RNF111: variants seen among roughly 807,000 people sequenced by gnomAD.
RNF111 encodes the protein ring finger protein 111, also known as E3 ubiquitin-protein ligase Arkadia.
In RNF111, 17 loss-of-function variants were observed where a neutral mutation model predicts 95.1. The ratio of observed to expected loss-of-function variants is 0.18; its 90% CI spans 0.12 to 0.27. The LOEUF is 0.27. Ranked by LOEUF, RNF111 falls within the 10% of genes least tolerant of loss-of-function variation. The pLI, the probability that RNF111 is intolerant of heterozygous loss-of-function variation, is 1.00. For missense variants in RNF111, 1,189 were observed against 1,210.4 expected (o/e 0.98, Z 0.26); for synonymous variants, 440 against 414.8 (o/e 1.06, Z -0.74).
intron 1 of RNF111, among the ~76,000 whole-genome samples, chr15:59,026,462 G>A (rs1763385539): frequency 6.6e-6 from 1 of 152,094 alleles, no homozygotes; most frequent in Admixed American, 6.5e-5. Flanking sequence ...TTGAAACAGT[G>A]TGTAACAGCA....
At chr15:59,063,635 A>C (rs1300621876) in intron 5 of RNF111, among the ~76,000 whole-genome samples, 1 of 152,184 alleles carries the variant, frequency 6.6e-6, no homozygotes. Flanking sequence ...ATGAGAGGCT[A>C]ATTGGTTGTC....
At chr15:59,010,791 T>C (rs1596068975) in intron 1 of RNF111, among the ~76,000 whole-genome samples, 1 of 152,166 alleles carries the variant, frequency 6.6e-6, no homozygotes, top group East Asian at 1.9e-4. Flanking sequence ...GGTTGCCTGA[T>C]GAGAGATGTA....
intron 10 of RNF111, among the ~76,000 whole-genome samples, chr15:59,089,029 G>T (rs1442320368): frequency 6.6e-6 from 1 of 152,102 alleles, no homozygotes; most frequent in Non-Finnish European, 1.5e-5. Flanking sequence ...CTCAAATACG[G>T]CAGAGCCCTG....
rs1314687928 is a variant in RNF111, at chr15:59,031,112, G to T, written c.290G>T (p.Ser97Ile). 1.9e-6 allele frequency: 3 copies of T among 1,614,082 alleles called. No homozygotes were observed. Among genetic ancestry groups the T allele is most frequent in the Admixed American group, 3.3e-5 (2 of 60,002 alleles). ...KSLVVRKKRKSQQAGPSYVQN... is the reference protein window; with the variant it reads ...KSLVVRKKRKIQQAGPSYVQN... ...CTCGTTGTGAGGAAAAAACGCAAAA[G>T]CCAGCAGGCTGGCCCTTCGTATGTG... The change falls in exon 2 of 14, where the codon AGC becomes ATC. Residue 97 changes from serine (S) to isoleucine (I), a missense_variant. Physicochemically the swap from Ser to Ile is moderately radical, Grantham distance 142. Transcript: ENST00000348370.
At chr15:59,052,692 C>T (rs1311629870) in intron 3 of RNF111, among the ~76,000 whole-genome samples, 8 of 149,700 alleles carry the variant, frequency 5.3e-5, no homozygotes, top group African/African-American at 2.0e-4. Flanking sequence ...GGACTGTAGG[C>T]ACATGTCACT....
At chr15:59,072,095 A>C (rs1285079804) in intron 6 of RNF111, among the ~76,000 whole-genome samples, 1 of 152,206 alleles carries the variant, frequency 6.6e-6, no homozygotes, top group Non-Finnish European at 1.5e-5. Context: ...CATTTTTTAA[A>C]AATGCCAGCA....
intron 1 of RNF111, among the ~76,000 whole-genome samples, chr15:59,002,348 CT>C (rs1462415105): frequency 1.3e-5 from 2 of 152,130 alleles, no homozygotes; most frequent in Non-Finnish European, 2.9e-5. Context: ...ATAGCTGTCC[CT>C]TCCGTTTTCC....
intron 2 of RNF111, among the ~76,000 whole-genome samples, chr15:59,040,194 C>T (rs2041381934): frequency 6.6e-6 from 1 of 152,078 alleles, no homozygotes; most frequent in Non-Finnish European, 1.5e-5. Context: ...TAGCTCTTTG[C>T]AGACTTGACC....
At chr15:59,047,151 C>T (rs1474870245) in intron 2 of RNF111, among the ~76,000 whole-genome samples, 1 of 152,002 alleles carries the variant, frequency 6.6e-6, no homozygotes, top group African/African-American at 2.4e-5. Context: ...ACAATGAGAC[C>T]AAAAGCTCAG....
At chr15:59,092,054 AT>A (rs1217676295) in intron 12 of RNF111, among the ~76,000 whole-genome samples, 2 of 152,250 alleles carry the variant, frequency 1.3e-5, no homozygotes, top group Non-Finnish European at 2.9e-5. Flanking sequence ...AAGAATAATC[AT>A]AAAGTGTGAA....
intron 2 of RNF111, among the ~76,000 whole-genome samples, chr15:59,048,653 A>G (rs2041825845): frequency 6.6e-6 from 1 of 152,334 alleles, no homozygotes; most frequent in Non-Finnish European, 1.5e-5. Flanking sequence ...GTTGGGTGAC[A>G]TTTGTATTGA....
rs1042136813 is a variant in RNF111 at position 59,040,006 on chromosome 15, C to T, written c.880+8304C>T. On this transcript the variant is annotated intron_variant, in intron 2 of 13. Coordinates refer to ENST00000348370, the MANE Select transcript of RNF111 (RefSeq NM_017610.8). Reference sequence around the variant, plus strand: ...CTGGGATTACAGGTGTGAGCCACTGCGCCCTGCCCGATTTTCTTTTATTGG... The same window carrying T: ...CTGGGATTACAGGTGTGAGCCACTGTGCCCTGCCCGATTTTCTTTTATTGG... 4.6e-5 allele frequency among the ~76,000 whole-genome samples: 7 copies of T among 152,110 alleles called. No individual in the cohort carries two copies. The East Asian group carries it at 1.3e-3, about 29-fold the overall frequency.
At chr15:59,016,928 A>G (rs1308298909) in intron 1 of RNF111, among the ~76,000 whole-genome samples, 1 of 151,724 alleles carries the variant, frequency 6.6e-6, no homozygotes, top group Non-Finnish European at 1.5e-5. Flanking sequence ...CATGTGAGGG[A>G]TCTAGGTTGC....
chr15:58,995,623 A>G (rs1224323470), intron 1 of RNF111, among the ~76,000 whole-genome samples: 2 of 151,482 alleles, frequency 1.3e-5, no homozygotes, highest in Non-Finnish European at 2.9e-5. Flanking sequence ...ATGCCCGGCT[A>G]ATTTTTGTAT....
intron 5 of RNF111, among the ~76,000 whole-genome samples, chr15:59,063,556 T>A (rs2042529711): frequency 6.6e-6 from 1 of 152,230 alleles, no homozygotes; most frequent in Admixed American, 6.5e-5. Flanking sequence ...AGTGTTTTAT[T>A]TACTGAATCA....
chr15:59,093,210 A>C (rs2079101363), intron 13 of RNF111, among the ~76,000 whole-genome samples: 1 of 152,148 alleles, frequency 6.6e-6, no homozygotes, highest in South Asian at 2.1e-4. Flanking sequence ...CGTAGTCAAA[A>C]TTGTCTTCTG....
At chr15:59,000,918 G>T (rs1163058224) in intron 1 of RNF111, among the ~76,000 whole-genome samples, 1 of 152,180 alleles carries the variant, frequency 6.6e-6, no homozygotes, top group Non-Finnish European at 1.5e-5. Context: ...ATCTGCTCTG[G>T]TGGGGAAACA....
At chr15:59,090,096 C>T (rs2079007331) in intron 11 of RNF111, among the ~76,000 whole-genome samples, 2 of 152,046 alleles carry the variant, frequency 1.3e-5, no homozygotes, top group South Asian at 2.1e-4. Context: ...TTAGAGAAAT[C>T]GGTAGAGAAA....
chr15:59,070,087 C>G (rs116092126), intron 6 of RNF111, among the ~76,000 whole-genome samples: 2,858 of 123,540 alleles, frequency 0.023, 109 homozygotes, highest in African/African-American at 0.084. Context: ...GTTTCTCAGG[C>G]TGGCCTTAAA....
Sources: gnomAD v4.1 joint callset for allele counts (sites outside exome capture counted in the v4.1 genomes callset) on GRCh38, gnomAD v4.1.1 for gene constraint, MANE v1.5 for transcripts, NCBI Gene and HGNC (gene_info 2026-07-23, HGNC 2026-07-21) for gene names.